PTPRD: variants seen among roughly 807,000 people sequenced by gnomAD.
PTPRD encodes receptor-type tyrosine-protein phosphatase delta.
A neutral mutation model predicts 214.5 loss-of-function variants in PTPRD; 34 were observed. The observed-to-expected ratio is 0.16, with a 90% CI of 0.12 to 0.21. The LOEUF is 0.21. Ranked by LOEUF, PTPRD falls within the 10% of genes least tolerant of loss-of-function variation. The pLI is 1.00. For synonymous variants in PTPRD, 1,128 were observed against 845.7 expected (o/e 1.33, Z -5.79); for missense variants, 2,545 against 2,398.7 (o/e 1.06, Z -1.27).
rs1415277335 is a variant in PTPRD at position 8,341,257 on chromosome 9, G to C, written c.4959C>G (p.Ser1653Arg). Reference protein sequence around the residue: ...GMELEFKRLASSKAHTSRFIS... With the variant: ...GMELEFKRLARSKAHTSRFIS... ...TAAACCTTGAGGTGTGAGCTTTTGA[G>C]CTGGCTAGACGCTGTTGAATAGGAA... The change falls in exon 41 of 46, where the codon AGC (serine) becomes AGG (arginine). Residue 1653 changes from serine (S) to arginine (R), a missense_variant. Transcript: ENST00000381196. 3 of 1,609,086 alleles carry C rather than the reference G, an allele frequency of 1.9e-6. No homozygotes were observed. Among genetic ancestry groups the C allele is most frequent in the Non-Finnish European group, 2.5e-6 (3 of 1,177,798 alleles).
chr9:10,595,977 T>A (rs969063864), intron 2 of PTPRD, among the ~76,000 whole-genome samples: 1 of 151,894 alleles, frequency 6.6e-6, no homozygotes, highest in African/African-American at 2.4e-5. Flanking sequence ...TGTAGTGCAT[T>A]TCTTTAAAAA....
chr9:10,200,178 T>C (rs933312725), intron 3 of PTPRD, among the ~76,000 whole-genome samples: 11 of 152,080 alleles, frequency 7.2e-5, no homozygotes, highest in Non-Finnish European at 1.0e-4. Context: ...ATTCACCTCT[T>C]TGACATAATG....
chr9:10,400,640 TA>T (rs577169582), intron 2 of PTPRD, among the ~76,000 whole-genome samples: 1 of 151,714 alleles, frequency 6.6e-6, no homozygotes, highest in African/African-American at 2.4e-5. Flanking sequence ...AAAGGATTAG[TA>T]AAAAATTCCT....
intron 12 of PTPRD, among the ~76,000 whole-genome samples, chr9:8,640,851 A>ACTG (rs1485831739): frequency 7.6e-4 from 114 of 149,294 alleles, no homozygotes; most frequent in African/African-American, 2.7e-3. Flanking sequence ...AAGACTCAAG[A>ACTG]TAATATAGTA....
chr9:10,133,604 G>A (rs1272889679), intron 3 of PTPRD, among the ~76,000 whole-genome samples: 1 of 151,978 alleles, frequency 6.6e-6, no homozygotes, highest in Non-Finnish European at 1.5e-5. Context: ...AATAACTAAT[G>A]ACTATATAGT....
chr9:10,506,920 A>T (rs2046183438), intron 2 of PTPRD, among the ~76,000 whole-genome samples: 1 of 152,096 alleles, frequency 6.6e-6, no homozygotes. Flanking sequence ...CATATATTGA[A>T]TACCCTTAAT....
intron 2 of PTPRD, among the ~76,000 whole-genome samples, chr9:10,573,058 T>A (rs2132038009): frequency 6.6e-6 from 1 of 152,214 alleles, no homozygotes; most frequent in South Asian, 2.1e-4. Context: ...TTTGACAGGA[T>A]CTGGGCAATT....
intron 8 of PTPRD, among the ~76,000 whole-genome samples, chr9:9,527,220 T>C (rs1029873712): frequency 6.6e-5 from 10 of 152,210 alleles, no homozygotes; most frequent in Non-Finnish European, 1.5e-4. Context: ...CTTAAATCAA[T>C]TGACTCTTAC....
chr9:10,012,998 C>T (rs1310684198), intron 4 of PTPRD, among the ~76,000 whole-genome samples: 2 of 151,802 alleles, frequency 1.3e-5, no homozygotes, highest in African/African-American at 4.8e-5. Context: ...ATAATCATTT[C>T]CATGATCTGT....
chr9:8,494,172 T>C (rs1031637717), intron 26 of PTPRD, among the ~76,000 whole-genome samples: 2 of 152,172 alleles, frequency 1.3e-5, no homozygotes, highest in African/African-American at 4.8e-5. Flanking sequence ...ACGAATTATA[T>C]TGTGTGAAAT....
intron 14 of PTPRD, among the ~76,000 whole-genome samples, chr9:8,599,776 C>T (rs1482287887): frequency 6.6e-6 from 1 of 151,872 alleles, no homozygotes; most frequent in African/African-American, 2.4e-5. Flanking sequence ...CGCCACCACG[C>T]CTGGATAATT....
intron 8 of PTPRD, among the ~76,000 whole-genome samples, chr9:9,495,706 C>T (rs2096148804): frequency 6.6e-6 from 1 of 152,128 alleles, no homozygotes; most frequent in African/African-American, 2.4e-5. Context: ...CTTTCACTAT[C>T]CTTCAATTGT....
intron 9 of PTPRD, among the ~76,000 whole-genome samples, chr9:9,224,230 C>T (rs946505408): frequency 3.3e-5 from 5 of 151,938 alleles, no homozygotes; most frequent in African/African-American, 9.7e-5. Context: ...AGCCTAGGCA[C>T]ATGACTCCTG....
intron 8 of PTPRD, among the ~76,000 whole-genome samples, chr9:9,556,116 G>C (rs1427576731): frequency 1.3e-5 from 2 of 151,964 alleles, no homozygotes; most frequent in Non-Finnish European, 2.9e-5. Context: ...TGATAACATA[G>C]TCAATTAATA....
intron 7 of PTPRD, among the ~76,000 whole-genome samples, chr9:9,621,889 C>T (rs1167737712): frequency 1.3e-5 from 2 of 152,128 alleles, no homozygotes; most frequent in African/African-American, 2.4e-5. Flanking sequence ...TTTATTTTTA[C>T]AACATATTCC....
rs1421256719 is a variant in PTPRD, at chr9:9,953,214, G to A, written c.-471-14604C>T. On this transcript the variant is annotated intron_variant, in intron 4 of 45. Transcript: ENST00000381196. ...GGTTAACATTATCCTGGATATTTCTGCAGCAGTAATCAGTAAAATTTGTGC... is the reference window on the plus strand; with the variant it reads ...GGTTAACATTATCCTGGATATTTCTACAGCAGTAATCAGTAAAATTTGTGC... Among the ~76,000 whole-genome samples the A allele has an allele frequency of 2.6e-5, 4 of 152,116 alleles. No homozygotes were observed. The East Asian group carries it at 5.8e-4, about 22-fold the overall frequency.
chr9:9,048,405 G>C (rs1291140489), intron 10 of PTPRD, among the ~76,000 whole-genome samples: 1 of 152,120 alleles, frequency 6.6e-6, no homozygotes, highest in African/African-American at 2.4e-5. Flanking sequence ...AGCAACCTAA[G>C]TGTCCATCAC....
chr9:8,767,817 CTTAAG>C (rs1312767956), intron 11 of PTPRD, among the ~76,000 whole-genome samples: 2 of 151,950 alleles, frequency 1.3e-5, no homozygotes, highest in African/African-American at 2.4e-5. Context: ...CAATGTATAA[CTTAAG>C]TTGAGAACCA....
intron 3 of PTPRD, among the ~76,000 whole-genome samples, chr9:10,329,339 C>A (rs902674387): frequency 6.6e-6 from 1 of 151,750 alleles, no homozygotes; most frequent in East Asian, 1.9e-4. Context: ...AGAAAGCGAA[C>A]TGGGAATTAA....
Sources: allele counts gnomAD v4.1 joint callset (sites outside exome capture counted in the v4.1 genomes callset), GRCh38; gene constraint gnomAD v4.1.1; transcripts MANE v1.5; gene names NCBI Gene and HGNC (gene_info 2026-07-23, HGNC 2026-07-21).